Variants in GGH observed in about 807,000 individuals in gnomAD.
The protein encoded by GGH is gamma-glutamyl hydrolase.
Under a neutral mutation model 39.2 loss-of-function variants are expected in GGH, and 18 were observed. That is an observed-to-expected ratio of 0.46 (90% CI 0.32 to 0.68). The LOEUF (loss-of-function observed/expected upper bound fraction) is 0.68, where lower values mean the gene tolerates loss of function less well. Among genes scored for constraint, GGH ranks in the 30% least tolerant of loss-of-function variants. The probability of loss-of-function intolerance (pLI) is 0.04; values close to 1 mark genes in which losing one functional copy is unlikely to be tolerated. For synonymous variants in GGH, 147 were observed against 138.8 expected (o/e 1.06, Z -0.42); for missense variants, 367 against 384.1 (o/e 0.96, Z 0.37).
rs138960442 is a variant in GGH at position 63,016,932 on chromosome 8, C to T, written c.835+561G>A. 7.2e-5 allele frequency among the ~76,000 whole-genome samples: 11 copies of T among 152,322 alleles called. No homozygotes were observed. In the East Asian group the frequency reaches 1.7e-3, roughly 24 times the overall value. On this transcript the variant is annotated intron_variant, in intron 8 of 8. Coordinates refer to ENST00000260118, the MANE Select transcript of GGH (RefSeq NM_003878.3). ...GTGGGTATATATTCAATTTGTATCA[C>T]TGTCTTGGAAAAGTAACACCTAATT...
intron 5 of GGH, among the ~76,000 whole-genome samples, chr8:63,025,548 T>C (rs561241433): frequency 2.6e-5 from 4 of 151,980 alleles, no homozygotes; most frequent in Non-Finnish European, 4.4e-5. Flanking sequence ...GCCTGGCCAA[T>C]ATGGTGAAAC....
At chr8:63,019,795 G>A (rs1402449266) in intron 7 of GGH, among the ~76,000 whole-genome samples, 1 of 152,190 alleles carries the variant, frequency 6.6e-6, no homozygotes, top group Non-Finnish European at 1.5e-5. Context: ...GGGCTATTTA[G>A]TGAGCATTTT....
At chr8:63,022,447 C>T (rs1351354849) in intron 7 of GGH, among the ~76,000 whole-genome samples, 1 of 152,084 alleles carries the variant, frequency 6.6e-6, no homozygotes, top group Non-Finnish European at 1.5e-5. Flanking sequence ...ATGTTGGATT[C>T]TGAATGTTTC....
At chr8:63,032,182 C>T (rs184851950) in intron 2 of GGH, among the ~76,000 whole-genome samples, 168 of 151,992 alleles carry the variant, frequency 1.1e-3, no homozygotes, top group South Asian at 0.011. Flanking sequence ...CATAGGTGCA[C>T]GCCACCACTC....
chr8:63,034,193 T>C (rs781011345), intron 2 of GGH, among the ~76,000 whole-genome samples: 33 of 151,830 alleles, frequency 2.2e-4, no homozygotes, highest in Middle Eastern at 6.8e-3. Flanking sequence ...TCTGGCGTTA[T>C]ATGGGCTTCA....
intron 7 of GGH, 188 bp from the exon 8 acceptor site, chr8:63,017,818 T>C (rs950699568): frequency 2.1e-6 from 1 of 485,946 alleles, no homozygotes; most frequent in Non-Finnish European, 3.6e-6. Context: ...TGTAACGTAT[T>C]TCACTGATTA....
At chr8:63,018,708 G>A (rs1804531384) in intron 7 of GGH, among the ~76,000 whole-genome samples, 1 of 152,162 alleles carries the variant, frequency 6.6e-6, no homozygotes, top group Non-Finnish European at 1.5e-5. Context: ...CCCACAGGCT[G>A]GGGGACTAGG....
chr8:63,032,487 A>C (rs879256238), intron 2 of GGH, among the ~76,000 whole-genome samples: 1 of 152,192 alleles, frequency 6.6e-6, no homozygotes, highest in Non-Finnish European at 1.5e-5. Flanking sequence ...GAGAGCACCA[A>C]GCGCCTGAGA....
intron 2 of GGH, among the ~76,000 whole-genome samples, chr8:63,033,372 C>T (rs889855513): frequency 4.6e-5 from 7 of 152,186 alleles, no homozygotes; most frequent in Admixed American, 4.6e-4. Context: ...GTGAAGCCAG[C>T]TGGTCTTGGG....
At chr8:63,022,735 C>T (rs1804615689) in intron 7 of GGH, among the ~76,000 whole-genome samples, 1 of 151,106 alleles carries the variant, frequency 6.6e-6, no homozygotes. Flanking sequence ...ACCATGTTGG[C>T]CAGGCTGGTC....
intron 7 of GGH, among the ~76,000 whole-genome samples, chr8:63,018,493 G>A (rs1453452603): frequency 6.6e-6 from 1 of 152,190 alleles, no homozygotes; most frequent in Non-Finnish European, 1.5e-5. Flanking sequence ...TAAGAGCACT[G>A]TCTGTTCTCA....
rs1259706349 is a variant in GGH, at chr8:63,017,605, G to T, written c.723C>A (p.Val241=). Residue 241 remains valine, a synonymous_variant, in exon 8 of 9, where the codon GTC becomes GTA. Coordinates refer to ENST00000260118, the MANE Select transcript of GGH (RefSeq NM_003878.3). ...MEGYKYPVYG[V]QWHPEKAPYE... is the part of the protein sequence containing the mutation. ...AAGGTGCTTTCTCTGGATGCCACTG[G>T]ACACCATATACTGGATACTTATATC... The T allele has an allele frequency of 6.3e-7, 1 of 1,599,954 alleles. No individual in the cohort carries two copies. The highest frequency in any genetic ancestry group is 1.3e-5 in the African/African-American group (1 of 74,742).
chr8:63,034,976 C>G (rs1412975814), intron 2 of GGH, among the ~76,000 whole-genome samples: 1 of 152,084 alleles, frequency 6.6e-6, no homozygotes, highest in Non-Finnish European at 1.5e-5. Flanking sequence ...AATGAACCAG[C>G]CACCCGAGCA....
chr8:63,033,536 T>TTCTTG (rs59391448), intron 2 of GGH, among the ~76,000 whole-genome samples: 29,874 of 152,130 alleles, frequency 0.2, 3,056 homozygotes, highest in East Asian at 0.42. Context: ...GGCATATAGT[T>TTCTTG]TAAGTAGTCT....
chr8:63,023,799 C>A (rs926227528), intron 7 of GGH, 108 bp downstream of exon 7: 23 of 776,014 alleles, frequency 3.0e-5, no homozygotes, highest in Admixed American at 1.3e-4. Context: ...TGCCCTAACA[C>A]CCCTCTTCAA....
chr8:63,022,368 A>T (rs1173100560), intron 7 of GGH, among the ~76,000 whole-genome samples: 1 of 152,078 alleles, frequency 6.6e-6, no homozygotes, highest in Admixed American at 6.6e-5. Context: ...GTAAGTTAGA[A>T]ATCACTTTAC....
rs780864357 is a variant in GGH at position 63,035,738 on chromosome 8, T to C, written c.142A>G (p.Met48Val). Residue 48 changes from methionine to valine, a missense_variant, in exon 2 of 9, where the codon ATG becomes GTG. Coordinates refer to ENST00000260118, the MANE Select transcript of GGH (RefSeq NM_003878.3). ...ATATAGTATCTTCCATAGTTTTTCA[T>C]GACTTTATTACGGCATTTTTGCATT... ...ILMQKCRNKV[M>V]KNYGRYYIAA... 1 of 1,613,744 alleles carries C rather than the reference T, an allele frequency of 6.2e-7. No individual in the cohort carries two copies.
chr8:63,035,600 C>T lies in GGH; in HGVS notation c.224+56G>A, dbSNP rs141799371. ...AATTACAGGCATGAGGCACCGCACC[C>T]GTACGCAGCAATTTTTTATACAGAG... On this transcript the variant is annotated intron_variant, in intron 2 of 8. Coordinates refer to ENST00000260118, the MANE Select transcript of GGH (RefSeq NM_003878.3). 271 of 1,568,506 alleles carry T rather than the reference C, an allele frequency of 1.7e-4. No individual in the cohort carries two copies. The Middle Eastern group carries it at 4.0e-3, about 23-fold the overall frequency.
Position 63,035,662 on chromosome 8 carries a change from G to C in GGH, c.218C>G (p.Pro73Arg). ...YLESAGARVVPVRLDLTEKDY... is the reference protein window; with the variant it reads ...YLESAGARVVRVRLDLTEKDY... ...AAAAAACACTGAATCATACCTTACT[G>C]GTACAACTCTCGCACCTGCAGACTC... The change falls in exon 2 of 9, where the codon CCA (proline) becomes CGA (arginine). Residue 73 changes from proline to arginine, a missense_variant. Coordinates refer to ENST00000260118, the MANE Select transcript of GGH (RefSeq NM_003878.3). 6.2e-7 allele frequency: 1 copy of C among 1,602,352 alleles called. No individual in the cohort carries two copies. Among genetic ancestry groups the C allele is most frequent in the South Asian group, 1.1e-5 (1 of 87,896 alleles).
Sources: gnomAD v4.1 joint callset for allele counts (sites outside exome capture counted in the v4.1 genomes callset) on GRCh38, gnomAD v4.1.1 for gene constraint, MANE v1.5 for transcripts, NCBI Gene and HGNC (gene_info 2026-07-23, HGNC 2026-07-21) for gene names.